Variants in CDYL observed in about 807,000 individuals in gnomAD.
The protein encoded by CDYL is chromodomain Y-like protein.
In CDYL, 8 loss-of-function variants were observed where a neutral mutation model predicts 47.3. The ratio of observed to expected loss-of-function variants is 0.17; its 90% confidence interval spans 0.10 to 0.31. CDYL has a LOEUF of 0.31. Ranked by LOEUF, CDYL falls within the 10% of genes least tolerant of loss-of-function variation. CDYL has a pLI of 1.00. For missense variants in CDYL, 471 were observed against 701.4 expected (o/e 0.67, Z 3.71); for synonymous variants, 266 against 265.0 (o/e 1.00, Z -0.04).
chr6:4,846,142 G>A (rs567395014), intron 1 of CDYL, among the ~76,000 whole-genome samples: 33 of 150,610 alleles, frequency 2.2e-4, no homozygotes, highest in African/African-American at 6.8e-4. Context: ...CAAATTCTGC[G>A]ATTGCACCTA....
In CDYL at chr6:4,726,717, G is replaced by A. The variant is rs9392063; in HGVS notation, c.104-8045G>A. On this transcript the variant is annotated intron_variant, in intron 2 of 8. Coordinates refer to the CDYL transcript ENST00000328908. The stretch of plus-strand genomic sequence containing the variant: ...CCTGTCTCAAAAAAAAAAAAAAGTC[G>A]AATAAATGTATCATAAAATTAGATT... 2.3e-4 allele frequency among the ~76,000 whole-genome samples: 34 copies of A among 150,606 alleles called. No individual in the cohort carries two copies. The East Asian group carries it at 6.4e-3, about 28-fold the overall frequency.
rs201947415 is a variant in CDYL at position 4,797,963 on chromosome 6, C to CT, written c.24+21165dup. 9.0e-3 allele frequency among the ~76,000 whole-genome samples: 1,361 copies of CT among 151,400 alleles called. 13 individuals carry two copies. The highest frequency in any genetic ancestry group is 0.027 in the African/African-American group (1,122 of 41,278). On this transcript the variant is annotated intron_variant, in intron 1 of 6. Coordinates refer to ENST00000397588, the MANE Select transcript of CDYL (RefSeq NM_004824.4). ...GAGTATGATACCCAGGAGTGAACAT[C>CT]TTTTTTTTTCTTTTCTTCCTTTTTT...
chr6:4,721,340 G>A (rs763700734), intron 2 of CDYL, among the ~76,000 whole-genome samples: 9 of 151,890 alleles, frequency 5.9e-5, no homozygotes, highest in South Asian at 2.1e-4. Context: ...GTGTGCTGCC[G>A]AAGAGAGCAC....
chr6:4,801,490 A>G (rs528908827), intron 1 of CDYL, among the ~76,000 whole-genome samples: 1 of 152,268 alleles, frequency 6.6e-6, no homozygotes, highest in Admixed American at 6.5e-5. Flanking sequence ...TCTGAGGATT[A>G]TTGTGTTTTT....
At chr6:4,725,424 C>T (rs1190098636) in intron 2 of CDYL, among the ~76,000 whole-genome samples, 1 of 152,222 alleles carries the variant, frequency 6.6e-6, no homozygotes, top group African/African-American at 2.4e-5. Context: ...GAGCCCACAG[C>T]GAGGTGGGGA....
intron 1 of CDYL, among the ~76,000 whole-genome samples, chr6:4,789,620 T>G (rs894676068): frequency 6.6e-6 from 1 of 152,216 alleles, no homozygotes; most frequent in African/African-American, 2.4e-5. Context: ...AGGGGCCATG[T>G]GCATCAGAAA....
intron 1 of CDYL, among the ~76,000 whole-genome samples, chr6:4,816,587 C>T (rs148161463): frequency 2.9e-4 from 44 of 151,306 alleles, no homozygotes; most frequent in African/African-American, 9.2e-4. Flanking sequence ...CAACCTCCAC[C>T]TCCCAGGCTC....
chr6:4,867,846 G>T (rs1050046283), intron 1 of CDYL, among the ~76,000 whole-genome samples: 1 of 147,282 alleles, frequency 6.8e-6, no homozygotes, highest in South Asian at 2.2e-4. Context: ...GTAACTTATA[G>T]TTTCCTAGGA....
At chr6:4,879,561 T>C (rs953266068) in intron 1 of CDYL, among the ~76,000 whole-genome samples, 12 of 145,974 alleles carry the variant, frequency 8.2e-5, no homozygotes, top group African/African-American at 2.8e-4. Flanking sequence ...GGTTTTTTTT[T>C]TTTTTTTTTT....
intron 2 of CDYL, among the ~76,000 whole-genome samples, chr6:4,720,092 G>A (rs1012316721): frequency 6.6e-6 from 1 of 152,172 alleles, no homozygotes; most frequent in African/African-American, 2.4e-5. Flanking sequence ...TGCATATGTG[G>A]GTAAGCCATG....
intron 1 of CDYL, among the ~76,000 whole-genome samples, chr6:4,819,921 G>A (rs944252565): frequency 4.6e-5 from 7 of 152,176 alleles, no homozygotes; most frequent in African/African-American, 1.7e-4. Context: ...GAAACCCTGT[G>A]TTATGAGAAT....
intron 1 of CDYL, among the ~76,000 whole-genome samples, chr6:4,833,322 C>T (rs1450218403): frequency 2.2e-4 from 33 of 149,996 alleles, no homozygotes; most frequent in Middle Eastern, 3.4e-3. Flanking sequence ...GCCTTCATTT[C>T]GTTATGTCCC....
intron 1 of CDYL, among the ~76,000 whole-genome samples, chr6:4,790,321 T>C (rs1004016429): frequency 2.0e-5 from 3 of 152,224 alleles, no homozygotes. Context: ...TAAGTGACCT[T>C]TTGCATGCTG....
intron 2 of CDYL, among the ~76,000 whole-genome samples, chr6:4,915,547 G>A (rs985772725): frequency 6.6e-6 from 1 of 152,134 alleles, no homozygotes. Context: ...AGACACAACT[G>A]ACTAGCATTA....
chr6:4,832,944 G>A (rs1291708754), intron 1 of CDYL, among the ~76,000 whole-genome samples: 5,006 of 151,894 alleles, frequency 0.033, 254 homozygotes, highest in African/African-American at 0.11. Flanking sequence ...ATTTTTTATT[G>A]CGTCTATTTG....
intron 1 of CDYL, among the ~76,000 whole-genome samples, chr6:4,872,673 C>T (rs759209841): frequency 2.0e-5 from 3 of 152,176 alleles, no homozygotes; most frequent in Non-Finnish European, 4.4e-5. Flanking sequence ...AGCCACCATG[C>T]CCAGCCACAA....
At chr6:4,707,524 G>A (rs546567640) in intron 1 of CDYL, among the ~76,000 whole-genome samples, 40 of 152,080 alleles carry the variant, frequency 2.6e-4, no homozygotes, top group Non-Finnish European at 4.4e-4. Context: ...TGCCCTCCTC[G>A]GCCTCCCAAA....
intron 1 of CDYL, among the ~76,000 whole-genome samples, chr6:4,810,262 C>T (rs913950537): frequency 6.6e-6 from 1 of 152,178 alleles, no homozygotes; most frequent in African/African-American, 2.4e-5. Context: ...CACAAGATTT[C>T]AGTTCAGGCA....
At chr6:4,932,653 G>A (rs556777798) in intron 2 of CDYL, among the ~76,000 whole-genome samples, 32 of 152,338 alleles carry the variant, frequency 2.1e-4, no homozygotes, top group African/African-American at 7.7e-4. Flanking sequence ...CTGCTGGCAT[G>A]TGTAGTCTGA....
Sources: gnomAD v4.1 joint callset for allele counts (sites outside exome capture counted in the v4.1 genomes callset) on GRCh38, gnomAD v4.1.1 for gene constraint, MANE v1.5 for transcripts, NCBI Gene and HGNC (gene_info 2026-07-23, HGNC 2026-07-21) for gene names.